NCOA2: variants seen among roughly 807,000 people sequenced by gnomAD.
NCOA2 encodes the protein class E basic helix-loop-helix protein 75.
NCOA2 carries 21 observed loss-of-function variants against 145.1 expected under a neutral mutation model. The ratio of observed to expected loss-of-function variants is 0.14; its 90% CI spans 0.10 to 0.21. The LOEUF (loss-of-function observed/expected upper bound fraction) is 0.21, where lower values mean the gene tolerates loss of function less well. Ranked by LOEUF, NCOA2 falls within the 10% of genes least tolerant of loss-of-function variation. NCOA2 has a pLI of 1.00. For missense variants in NCOA2, 1,472 were observed against 1,837.6 expected, an observed-to-expected ratio of 0.80 and a Z score of 3.64; for synonymous variants, 619 against 637.5, an observed-to-expected ratio of 0.97 and a Z score of 0.44.
intron 2 of NCOA2, among the ~76,000 whole-genome samples, chr8:70,285,180 C>T (rs1161094387): frequency 3.9e-5 from 6 of 152,040 alleles, no homozygotes; most frequent in Admixed American, 1.3e-4. Context: ...AGGTATTCTT[C>T]AAATAGAAAA....
chr8:70,116,186 T>TAA (rs71558579), intron 22 of NCOA2, among the ~76,000 whole-genome samples: 9 of 80,656 alleles, frequency 1.1e-4, no homozygotes, highest in Non-Finnish European at 1.4e-4. Context: ...GACTCTGTCT[T>TAA]AAAAAAAAAA....
At chr8:70,441,640 C>A in the NCOA2 span, among the ~76,000 whole-genome samples, 1 of 143,664 alleles carries the variant, frequency 7.0e-6, no homozygotes, top group Non-Finnish European at 1.5e-5. Context: ...TCTTCAGGCC[C>A]CTGAGAATCT....
intron 2 of NCOA2, among the ~76,000 whole-genome samples, chr8:70,284,421 A>T (rs966025518): frequency 6.6e-6 from 1 of 152,240 alleles, no homozygotes; most frequent in Non-Finnish European, 1.5e-5. Context: ...GTGATTTTCA[A>T]GAGAGCAATG....
chr8:70,347,607 C>A (rs1321528645), intron 1 of NCOA2, among the ~76,000 whole-genome samples: 1 of 152,042 alleles, frequency 6.6e-6, no homozygotes, highest in Non-Finnish European at 1.5e-5. Context: ...AATCAATGAG[C>A]CATGATTGCA....
At chr8:70,149,235 T>C (rs1811475429) in intron 11 of NCOA2, among the ~76,000 whole-genome samples, 1 of 151,790 alleles carries the variant, frequency 6.6e-6, no homozygotes, top group Admixed American at 6.6e-5. Context: ...AAAATGTTTT[T>C]TTTGTTTTTT....
chr8:70,168,963 T>G (rs1478137318), intron 6 of NCOA2, among the ~76,000 whole-genome samples: 1 of 152,172 alleles, frequency 6.6e-6, no homozygotes, highest in Non-Finnish European at 1.5e-5. Flanking sequence ...AACAAAGAAT[T>G]ATCACATAAA....
chr8:70,389,100 A>T (rs1361256903), intron 1 of NCOA2, among the ~76,000 whole-genome samples: 1 of 152,082 alleles, frequency 6.6e-6, no homozygotes, highest in Non-Finnish European at 1.5e-5. Context: ...CAATAATATC[A>T]CTGTCTTTAT....
chr8:70,308,316 C>CA (rs771872921), intron 1 of NCOA2, among the ~76,000 whole-genome samples: 4 of 151,880 alleles, frequency 2.6e-5, no homozygotes, highest in Non-Finnish European at 4.4e-5. Flanking sequence ...AATGACTTGA[C>CA]AAAATTGAAA....
intron 2 of NCOA2, among the ~76,000 whole-genome samples, chr8:70,249,892 G>A (rs963583365): frequency 6.9e-6 from 1 of 144,980 alleles, no homozygotes; most frequent in African/African-American, 2.5e-5. Flanking sequence ...GAACCTGGGA[G>A]GCAGAGGTTG....
At chr8:70,436,646 C>A in the NCOA2 span, among the ~76,000 whole-genome samples, 14 of 152,220 alleles carry the variant, frequency 9.2e-5, no homozygotes, top group Non-Finnish European at 1.9e-4. Context: ...CTTTAACCAG[C>A]AGTTTTGATT....
chr8:70,290,650 G>C (rs1826603032), intron 2 of NCOA2, among the ~76,000 whole-genome samples: 1 of 151,942 alleles, frequency 6.6e-6, no homozygotes, highest in Non-Finnish European at 1.5e-5. Flanking sequence ...AGCAATACAA[G>C]TCAAAATAAA....
At chr8:70,311,684 A>T (rs1805137291) in intron 1 of NCOA2, among the ~76,000 whole-genome samples, 1 of 152,206 alleles carries the variant, frequency 6.6e-6, no homozygotes, top group Admixed American at 6.5e-5. Context: ...TGGCATCAGA[A>T]CATGCGTCAG....
the NCOA2 span, among the ~76,000 whole-genome samples, chr8:70,422,196 T>A: frequency 6.6e-6 from 1 of 152,088 alleles, no homozygotes; most frequent in Non-Finnish European, 1.5e-5. Flanking sequence ...GGGCCCAAAT[T>A]TCTTTTCTGC....
intron 4 of NCOA2, among the ~76,000 whole-genome samples, chr8:70,188,000 A>C (rs926922377): frequency 2.0e-5 from 3 of 152,236 alleles, no homozygotes; most frequent in Non-Finnish European, 4.4e-5. Context: ...GTTGAATCCA[A>C]GAAACCTGTT....
chr8:70,138,243 T>G lies in NCOA2; in HGVS notation c.3118A>C (p.Ile1040Leu). 2 of 1,613,840 alleles carry G rather than the reference T, an allele frequency of 1.2e-6. No homozygotes were observed. Among genetic ancestry groups the G allele is most frequent in the Non-Finnish European group, 8.5e-7 (1 of 1,179,804 alleles). The change falls in exon 15 of 23, where the codon ATC becomes CTC. Residue 1040 changes from isoleucine (I) to leucine (L), a missense_variant. This residue lies in a region of NCOA2 where 953 missense variants were observed against 1,062.1 expected (regional missense o/e 0.90). Transcript: ENST00000452400. ...PNQTAPWPESILPIDQASFAS... is the reference protein window; with the variant it reads ...PNQTAPWPESLLPIDQASFAS... ...AAAGACGCCTGGTCTATAGGCAGGATGCTTTCAGGCCATGGGGCAGTCTGA... is the reference window on the plus strand; with the variant it reads ...AAAGACGCCTGGTCTATAGGCAGGAGGCTTTCAGGCCATGGGGCAGTCTGA...
intron 11 of NCOA2, among the ~76,000 whole-genome samples, chr8:70,152,576 A>C (rs1171351787): frequency 3.3e-5 from 5 of 152,216 alleles, no homozygotes; most frequent in Non-Finnish European, 7.4e-5. Context: ...CAGCAGCATT[A>C]GAAAGGACCC....
intron 2 of NCOA2, among the ~76,000 whole-genome samples, chr8:70,289,124 A>G (rs2135599885): frequency 6.6e-6 from 1 of 152,372 alleles, no homozygotes; most frequent in East Asian, 1.9e-4. Context: ...CATGAGTTCA[A>G]AACTATCTTC....
the NCOA2 span, among the ~76,000 whole-genome samples, chr8:70,415,874 ATTAG>A: frequency 1.3e-5 from 2 of 152,252 alleles, no homozygotes; most frequent in Non-Finnish European, 2.9e-5. Context: ...GACCATGATA[ATTAG>A]TTGCATTTGA....
chr8:70,125,528 T>C (rs1483484513), intron 19 of NCOA2, among the ~76,000 whole-genome samples: 1 of 152,206 alleles, frequency 6.6e-6, no homozygotes, highest in African/African-American at 2.4e-5. Context: ...AGTGCTGGGA[T>C]TACAGGCATG....
Sources: gnomAD v4.1 joint callset for allele counts (sites outside exome capture counted in the v4.1 genomes callset) on GRCh38, gnomAD v4.1.1 for gene constraint, gnomAD v4.1.1 regional missense constraint, MANE v1.5 for transcripts, NCBI Gene and HGNC (gene_info 2026-07-23, HGNC 2026-07-21) for gene names.